Variants in HP observed in about 807,000 individuals in gnomAD.
The protein encoded by HP is haptoglobin.
In HP, 9 loss-of-function variants were observed where a neutral mutation model predicts 23.2. The observed-to-expected ratio is 0.39, with a 90% confidence interval of 0.23 to 0.68. HP has a LOEUF of 0.68. Ranked by LOEUF, HP falls within the 30% of genes least tolerant of loss-of-function variation. The pLI is 0.47. For missense variants in HP, 433 were observed against 483.6 expected (o/e 0.90, Z 0.98); for synonymous variants, 155 against 183.3 (o/e 0.85, Z 1.25).
chr16:72,056,477 T>A, intron 2 of HP, 53 bp from the exon 3 acceptor site: 1 of 1,326,460 alleles, frequency 7.5e-7, no homozygotes, highest in Non-Finnish European at 1.0e-6. Flanking sequence ...TTTTCACGGT[T>A]CACTGGGAAC....
chr16:72,059,367 G>A, intron 6 of HP, 179 bp downstream of exon 6: 1 of 896,738 alleles, frequency 1.1e-6, no homozygotes, highest in Non-Finnish European at 1.7e-6. Context: ...GGGTCACCAA[G>A]GGTCTTGTTC....
At chr16:72,054,982 T>C in intron 1 of HP, 1 of 525,524 alleles carries the variant, frequency 1.9e-6, no homozygotes, top group Non-Finnish European at 3.4e-6. Context: ...TTTTCCTCTT[T>C]AAAAATGTAC....
intron 6 of HP, chr16:72,059,834 A>C (rs570243596): frequency 1.6e-6 from 1 of 635,478 alleles, no homozygotes; most frequent in African/African-American, 1.8e-5. Flanking sequence ...TTGTTTAAAT[A>C]TAATACAGTT....
At position 72,058,344 on chromosome 16, in the gene HP, CAGA is replaced by C; in HGVS notation, c.359_361del (p.Glu120del). The C allele has an allele frequency of 2.9e-6, 2 of 685,374 alleles. No individual in the cohort carries two copies. Among genetic ancestry groups the C allele is most frequent in the Non-Finnish European group, 4.5e-6 (2 of 442,030 alleles). 42.5% of individuals were successfully genotyped at this position (685,374 alleles called of 1,614,324 possible). On this transcript the variant is annotated inframe_deletion, in exon 5 of 7. Coordinates refer to ENST00000355906, the MANE Select transcript of HP (RefSeq NM_005143.5). ...TGTAAGAACTACTACAAACTGCGCA[CAGA>C]AGGAGATGGTAAGATGTGGACAACT...
At chr16:72,056,367 A>T in intron 2 of HP, 124 bp downstream of exon 2, 5 of 1,562,414 alleles carry the variant, frequency 3.2e-6, no homozygotes, top group Non-Finnish European at 4.4e-6. Flanking sequence ...CATAAAGAAC[A>T]TTGGGGTTCC....
At chr16:72,054,896 T>C in intron 1 of HP, 4 of 840,912 alleles carry the variant, frequency 4.8e-6, no homozygotes, top group Non-Finnish European at 3.7e-6. Context: ...TCAGGTTACA[T>C]TTTTGACTTT....
At chr16:72,059,056 T>C in intron 5 of HP, 58 bp from the exon 6 acceptor site, 1 of 1,486,150 alleles carries the variant, frequency 6.7e-7, no homozygotes, top group East Asian at 2.2e-5. Context: ...GCCTTCTCAC[T>C]CTGCACGGGG....
intron 1 of HP, chr16:72,054,897 T>A (rs1249797294): frequency 1.2e-6 from 1 of 843,002 alleles, no homozygotes; most frequent in Non-Finnish European, 1.8e-6. Flanking sequence ...CAGGTTACAT[T>A]TTTGACTTTA....
chr16:72,056,062 T>A, intron 1 of HP, 99 bp from the exon 2 acceptor site: 1 of 1,397,840 alleles, frequency 7.2e-7, no homozygotes, highest in African/African-American at 1.4e-5. Context: ...TGTATGCATG[T>A]GTGTGTGTGT....
Position 72,060,310 on chromosome 16 carries a change from C to T in HP, c.641C>T (p.Ala214Val), listed in dbSNP as rs187578386. ...LFLNHSENAT[A>V]KDIAPTLTLY... ...CTGAACCATTCAGAAAATGCAACAG[C>T]GAAAGACATTGCCCCTACTTTAACA... Residue 214 changes from alanine to valine, a missense_variant, in exon 7 of 7, where the codon GCG (alanine) becomes GTG (valine). Transcript: ENST00000355906. 1.3e-5 allele frequency: 21 copies of T among 1,613,924 alleles called. No individual in the cohort carries two copies. The highest frequency in any genetic ancestry group is 3.3e-4 in the Middle Eastern group (2 of 6,082).
At chr16:72,059,824 T>A in intron 6 of HP, 1 of 584,746 alleles carries the variant, frequency 1.7e-6, no homozygotes, top group South Asian at 2.3e-5. Flanking sequence ...ATTGGGATAA[T>A]TGTTTAAATA....
In HP at chr16:72,060,738, A is replaced by C; in HGVS notation, c.1069A>C (p.Ser357Arg). Residue 357 changes from serine (S) to arginine (R), a missense_variant, in exon 7 of 7, where the codon AGT (serine) becomes CGT (arginine). Coordinates refer to ENST00000355906, the MANE Select transcript of HP (RefSeq NM_005143.5). Reference sequence around the variant, plus strand: ...AGACACCTGCTATGGCGATGCGGGCAGTGCCTTTGCCGTTCACGACCTGGA... The same window carrying C: ...AGACACCTGCTATGGCGATGCGGGCCGTGCCTTTGCCGTTCACGACCTGGA... Reference protein sequence around the residue: ...QEDTCYGDAGSAFAVHDLEED... With the variant: ...QEDTCYGDAGRAFAVHDLEED... 6.2e-7 allele frequency: 1 copy of C among 1,614,198 alleles called. No individual in the cohort carries two copies. Among genetic ancestry groups the C allele is most frequent in the Non-Finnish European group, 8.5e-7 (1 of 1,180,046 alleles).
chr16:72,056,155 C>G lies in HP; in HGVS notation c.6-6C>G. 1 of 1,613,694 alleles carries G rather than the reference C, an allele frequency of 6.2e-7. No homozygotes were observed. The highest frequency in any genetic ancestry group is 8.5e-7 in the Non-Finnish European group (1 of 1,179,732). On this transcript the variant is annotated splice_polypyrimidine_tract_variant and splice_region_variant and intron_variant, in intron 1 of 6. Coordinates refer to ENST00000355906, the MANE Select transcript of HP (RefSeq NM_005143.5). ...CTTTCCACTCCTCCTTGTCTTCTCT[C>G]TGCAGTGCCCTGGGAGCTGTCATTG...
At chr16:72,057,082 G>C in intron 3 of HP, 1 of 437,794 alleles carries the variant, frequency 2.3e-6, no homozygotes, top group South Asian at 2.1e-5. Flanking sequence ...GACAGGTTGA[G>C]TATCTTGCCC....
Position 72,054,669 on chromosome 16 carries a change from G to A in HP, c.5+12G>A, listed in dbSNP as rs760556128. On this transcript the variant is annotated intron_variant, in intron 1 of 6. Transcript: ENST00000355906. Reference sequence around the variant, plus strand: ...CCAACCAAGATGAGGTGGGTCCACAGCTTTCCCTCCTGCCTTTCCTCTGGT... The same window carrying A: ...CCAACCAAGATGAGGTGGGTCCACAACTTTCCCTCCTGCCTTTCCTCTGGT... The A allele has an allele frequency of 2.5e-6, 4 of 1,612,396 alleles. No homozygotes were observed. The highest frequency in any genetic ancestry group is 3.4e-6 in the Non-Finnish European group (4 of 1,179,148).
At position 72,060,599 on chromosome 16, in the gene HP, A is replaced by T; in HGVS notation, c.930A>T (p.Ile310=). The change falls in exon 7 of 7, where the codon ATA becomes ATT. Residue 310 remains isoleucine, a synonymous_variant. Transcript: ENST00000355906. ...MLPVADQDQC[I]RHYEGSTVPE... is the part of the protein sequence containing the mutation. ...CTGTGGCTGACCAAGACCAATGCAT[A>T]AGGCATTATGAAGGCAGCACAGTCC... The T allele has an allele frequency of 6.2e-7, 1 of 1,614,184 alleles. No individual in the cohort carries two copies. The highest frequency in any genetic ancestry group is 1.3e-5 in the African/African-American group (1 of 75,060).
At chr16:72,056,387 TG>T in intron 2 of HP, 142 bp from the exon 3 acceptor site, 1 of 1,571,964 alleles carries the variant, frequency 6.4e-7, no homozygotes, top group South Asian at 1.1e-5. Flanking sequence ...CTGCCAGAAA[TG>T]AGGGGAGCTT....
Position 72,054,572 on chromosome 16 carries a change from G to T in HP, c.-81G>T, listed in dbSNP as rs1384612174. On this transcript the variant is annotated 5_prime_UTR_variant, in exon 1 of 7. Coordinates refer to ENST00000355906, the MANE Select transcript of HP (RefSeq NM_005143.5). ...CACAGGAATTACGAAATGGAGAAGGGGGAGAAGTGAGCTAGTGGCAGCATA... is the reference window on the plus strand; with the variant it reads ...CACAGGAATTACGAAATGGAGAAGGTGGAGAAGTGAGCTAGTGGCAGCATA... The T allele has an allele frequency of 2.3e-5, 36 of 1,588,096 alleles. No individual in the cohort carries two copies. The highest frequency in any genetic ancestry group is 3.0e-5 in the Non-Finnish European group (35 of 1,166,068).
At chr16:72,056,789 G>T in intron 3 of HP, 158 bp downstream of exon 3, 1 of 394,470 alleles carries the variant, frequency 2.5e-6, no homozygotes, top group Non-Finnish European at 4.3e-6. Context: ...AGTAGCCATG[G>T]CCCTTTGGGC....
Sources: allele counts gnomAD v4.1 joint callset, GRCh38; gene constraint gnomAD v4.1.1; transcripts MANE v1.5; gene names NCBI Gene and HGNC (gene_info 2026-07-23, HGNC 2026-07-21).